The following PCDHA9 variants were observed in gnomAD, a reference collection of about 807,000 sequenced individuals.
The protein encoded by PCDHA9 is protocadherin alpha-9.
A neutral mutation model predicts 62.0 loss-of-function variants in PCDHA9; 62 were observed. The ratio of observed to expected loss-of-function variants is 1.00; its 90% CI spans 0.81 to 1.23. PCDHA9 has a LOEUF of 1.23. Ranked by LOEUF, PCDHA9 falls within the 50% of genes most tolerant of loss-of-function variation. PCDHA9 has a pLI of 0.00. For missense variants in PCDHA9, 1,205 were observed against 1,249.8 expected, an observed-to-expected ratio of 0.96 and a Z score of 0.54; for synonymous variants, 557 against 567.6, an observed-to-expected ratio of 0.98 and a Z score of 0.27.
intron 1 of PCDHA9, chr5:140,876,828 G>T: frequency 1.2e-6 from 2 of 1,614,170 alleles, no homozygotes; most frequent in Non-Finnish European, 1.7e-6. Context: ...ACGACAATGC[G>T]CCTGCGTTCG....
At chr5:141,003,761 C>T (rs1371194132) in intron 3 of PCDHA9, among the ~76,000 whole-genome samples, 3 of 152,160 alleles carry the variant, frequency 2.0e-5, no homozygotes, top group Admixed American at 1.3e-4. Flanking sequence ...TAATTATGGT[C>T]GTATTCTGTT....
intron 1 of PCDHA9, chr5:140,884,459 G>A (rs530412188): frequency 8.1e-6 from 13 of 1,613,636 alleles, no homozygotes; most frequent in Non-Finnish European, 1.0e-5. Flanking sequence ...CACCGAGGGC[G>A]CGTGCGCGCC....
intron 3 of PCDHA9, 104 bp from the exon 4 acceptor site, chr5:141,009,523 G>A: frequency 6.7e-7 from 1 of 1,502,140 alleles, no homozygotes; most frequent in Non-Finnish European, 8.9e-7. Flanking sequence ...GATTTTTCTG[G>A]GGAGGTTCAG....
At chr5:140,877,798 C>T in intron 1 of PCDHA9, 2 of 1,613,568 alleles carry the variant, frequency 1.2e-6, no homozygotes. Flanking sequence ...CAGCCCAAGC[C>T]TTCAGCTGTC....
At chr5:140,964,699 G>A (rs2095849795) in intron 1 of PCDHA9, among the ~76,000 whole-genome samples, 1 of 151,922 alleles carries the variant, frequency 6.6e-6, no homozygotes, top group Non-Finnish European at 1.5e-5. Context: ...GAGAGATTAA[G>A]GCCTCCGAGA....
At chr5:140,863,774 G>A (rs1581698877) in intron 1 of PCDHA9, 2 of 239,304 alleles carry the variant, frequency 8.4e-6, no homozygotes, top group African/African-American at 2.2e-5. Context: ...CGAGGCGGGC[G>A]GATCACTCGA....
At chr5:140,860,726 G>T (rs73263824) in intron 1 of PCDHA9, 23,037 of 152,060 alleles carry the variant, frequency 0.15, 1,806 homozygotes, top group Middle Eastern at 0.2. Context: ...AGTTTTTTTG[G>T]TTTTTTTGTT....
chr5:140,944,853 C>T (rs1230548858), intron 1 of PCDHA9, among the ~76,000 whole-genome samples: 1 of 152,118 alleles, frequency 6.6e-6, no homozygotes, highest in East Asian at 1.9e-4. Context: ...TTAGAATCAT[C>T]CTTATTTATC....
At chr5:140,873,816 A>G (rs1419963733) in intron 1 of PCDHA9, among the ~76,000 whole-genome samples, 3 of 151,528 alleles carry the variant, frequency 2.0e-5, no homozygotes, top group East Asian at 3.9e-4. Context: ...ATGCACCACC[A>G]CTCCTGGCTA....
At chr5:140,964,862 A>G (rs560839818) in intron 1 of PCDHA9, among the ~76,000 whole-genome samples, 1 of 152,316 alleles carries the variant, frequency 6.6e-6, no homozygotes, top group South Asian at 2.1e-4. Context: ...GGAAACAAAG[A>G]GGACAAATAA....
At chr5:140,882,755 G>A in intron 1 of PCDHA9, 2 of 1,614,230 alleles carry the variant, frequency 1.2e-6, no homozygotes, top group Non-Finnish European at 1.7e-6. Context: ...TGCAGATATT[G>A]GAGTAAACTC....
intron 1 of PCDHA9, chr5:140,877,772 C>T (rs372461540): frequency 9.3e-6 from 15 of 1,614,150 alleles, no homozygotes; most frequent in Non-Finnish European, 1.2e-5. Context: ...CCGCCCAAGA[C>T]GGACCTCATG....
intron 1 of PCDHA9, among the ~76,000 whole-genome samples, chr5:140,908,736 A>G (rs2074127705): frequency 6.6e-6 from 1 of 152,180 alleles, no homozygotes; most frequent in African/African-American, 2.4e-5. Flanking sequence ...GGCTCGAGAA[A>G]CAGAGCAACT....
intron 1 of PCDHA9, chr5:140,868,445 T>C (rs1250466502): frequency 6.6e-6 from 1 of 152,220 alleles, no homozygotes; most frequent in Non-Finnish European, 1.5e-5. Flanking sequence ...ATGTGGAACA[T>C]AAACACTAAA....
At chr5:140,985,648 C>G (rs185772569) in intron 3 of PCDHA9, among the ~76,000 whole-genome samples, 17 of 152,092 alleles carry the variant, frequency 1.1e-4, no homozygotes, top group African/African-American at 4.1e-4. Flanking sequence ...CCAACACTTG[C>G]AATGGCTGAA....
chr5:141,011,237 A>G lies in PCDHA9; in HGVS notation c.*1300A>G, dbSNP rs562746586. Reference sequence around the variant, plus strand: ...GATTTTTCAATCTACTAATTCTGTGACTTGTCTTGGTGTGCTAGCCTACAC... The same window carrying G: ...GATTTTTCAATCTACTAATTCTGTGGCTTGTCTTGGTGTGCTAGCCTACAC... On this transcript the variant is annotated 3_prime_UTR_variant, in exon 4 of 4. Transcript: ENST00000532602. The G allele has an allele frequency of 6.5e-6, 1 of 153,754 alleles. No homozygotes were observed. Among genetic ancestry groups the G allele is most frequent in the South Asian group, 2.1e-4 (1 of 4,812 alleles). The allele number at this position is 153,754 out of a possible 1,614,324, so 9.5% of individuals were successfully genotyped here.
chr5:140,871,570 T>A, intron 1 of PCDHA9: 1 of 1,480,760 alleles, frequency 6.8e-7, no homozygotes, highest in Non-Finnish European at 9.0e-7. Context: ...TTCACGGATT[T>A]TTTAAGGGAA....
At chr5:140,982,628 G>A (rs2096992254) in intron 3 of PCDHA9, 65 bp downstream of exon 3, 1 of 1,578,000 alleles carries the variant, frequency 6.3e-7, no homozygotes, top group African/African-American at 1.4e-5. Flanking sequence ...ACCTACTTTT[G>A]TAAGATCAGG....
chr5:140,848,591 C>A lies in PCDHA9; in HGVS notation c.96C>A (p.His32Gln). 1.9e-6 allele frequency: 3 copies of A among 1,594,690 alleles called. 1 individual carries two copies. Among genetic ancestry groups the A allele is most frequent in the Non-Finnish European group, 2.6e-6 (3 of 1,164,772 alleles). Residue 32 changes from histidine (H) to glutamine (Q), a missense_variant, in exon 1 of 4, where the codon CAC becomes CAA. This residue lies in a region of PCDHA9 where 208 missense variants were observed against 213.2 expected (regional missense o/e 0.98). Coordinates refer to ENST00000532602, the MANE Select transcript of PCDHA9 (RefSeq NM_031857.2). ...AMWVVGSGQL[H>Q]YSVPEEAEHG... ...GGGTGGTGGGGAGCGGCCAGCTCCACTACTCCGTCCCGGAGGAAGCCGAAC... is the reference window on the plus strand; with the variant it reads ...GGGTGGTGGGGAGCGGCCAGCTCCAATACTCCGTCCCGGAGGAAGCCGAAC...
Sources: allele counts gnomAD v4.1 joint callset (sites outside exome capture counted in the v4.1 genomes callset), GRCh38; gene constraint gnomAD v4.1.1; regional missense constraint gnomAD v4.1.1; transcripts MANE v1.5; gene names NCBI Gene and HGNC (gene_info 2026-07-23, HGNC 2026-07-21).